Variants in KAT6A observed in about 807,000 individuals in gnomAD.
The protein encoded by KAT6A is histone acetyltransferase KAT6A.
Under a neutral mutation model 198.4 loss-of-function variants are expected in KAT6A, and 9 were observed. The observed-to-expected ratio is 0.05, with a 90% CI of 0.03 to 0.08. The LOEUF (loss-of-function observed/expected upper bound fraction) is 0.08, where lower values mean the gene tolerates loss of function less well. Ranked by LOEUF, KAT6A falls within the 10% of genes least tolerant of loss-of-function variation. The pLI, the probability that KAT6A is intolerant of heterozygous loss-of-function variation, is 1.00. For synonymous variants in KAT6A, 890 were observed against 883.0 expected (o/e 1.01, Z -0.14); for missense variants, 2,077 against 2,509.9 (o/e 0.83, Z 3.69).
chr8:42,014,457 G>T (rs1826169792), intron 2 of KAT6A, among the ~76,000 whole-genome samples: 1 of 152,188 alleles, frequency 6.6e-6, no homozygotes, highest in African/African-American at 2.4e-5. Context: ...CCAGTTAAAT[G>T]AACCACATTT....
intron 12 of KAT6A, 86 bp downstream of exon 12, chr8:41,946,489 TATATACACACACACAC>T (rs1046375881): frequency 6.6e-5 from 30 of 453,852 alleles, no homozygotes; most frequent in African/African-American, 5.1e-4. Context: ...TAAATATATA[TATATACACACACACAC>T]ACACACACAC....
At position 41,934,262 on chromosome 8, in the gene KAT6A, C is replaced by T; in HGVS notation, c.3958G>A (p.Asp1320Asn). 6.2e-7 allele frequency: 1 copy of T among 1,614,152 alleles called. No homozygotes were observed. Among genetic ancestry groups the T allele is most frequent in the Non-Finnish European group, 8.5e-7 (1 of 1,180,028 alleles). The change falls in exon 17 of 17, where the codon GAT (aspartate) becomes AAT (asparagine). Residue 1320 changes from aspartate to asparagine, a missense_variant. Physicochemically the swap from Asp to Asn is conservative, Grantham distance 23 (BLOSUM62 1). Coordinates refer to ENST00000265713, the MANE Select transcript of KAT6A (RefSeq NM_006766.5). ...TTTGTGGACTCCAGGTGGCCATCAT[C>T]CTCATCATCAGCGTCGTGGTCGTCA... ...QNDDHDADDE[D>N]DGHLESTKKK...
At chr8:42,029,818 T>C (rs1827016446) in intron 2 of KAT6A, among the ~76,000 whole-genome samples, 1 of 152,170 alleles carries the variant, frequency 6.6e-6, no homozygotes, top group Non-Finnish European at 1.5e-5. Context: ...TTCTGTTTCT[T>C]GTTTATGTTA....
At chr8:42,027,468 T>C (rs543529499) in intron 2 of KAT6A, among the ~76,000 whole-genome samples, 18 of 152,314 alleles carry the variant, frequency 1.2e-4, no homozygotes, top group East Asian at 3.9e-4. Flanking sequence ...TCTGATTCAA[T>C]TGTGTTACTC....
In KAT6A at chr8:41,995,971, C is replaced by T. The variant is rs576655845; in HGVS notation, c.601-8408G>A. Reference sequence around the variant, plus strand: ...GATTACAGGAGTGAGCCACCACGCCCGGTCCCAATTTTCATTTCTTTCCCC... The same window carrying T: ...GATTACAGGAGTGAGCCACCACGCCTGGTCCCAATTTTCATTTCTTTCCCC... On this transcript the variant is annotated intron_variant, in intron 2 of 16. Transcript: ENST00000265713. Among the ~76,000 whole-genome samples the T allele has an allele frequency of 2.1e-3, 314 of 152,172 alleles. 2 individuals are homozygous for T. The highest frequency in any genetic ancestry group is 7.1e-3 in the African/African-American group (295 of 41,520).
At position 41,946,652 on chromosome 8, in the gene KAT6A, G is replaced by A; in HGVS notation, c.1935C>T (p.Ser645=). ...EKHCQQKYNV[S]CIMILPQYQR... ...GGTATTGAGGAAGAATCATTATACA[G>A]GAAACATTGTACTTCTGTTGGCAGT... Residue 645 remains serine, a synonymous_variant, in exon 12 of 17, where the codon TCC becomes TCT. Transcript: ENST00000265713. 6.2e-7 allele frequency: 1 copy of A among 1,608,286 alleles called. No individual in the cohort carries two copies. The highest frequency in any genetic ancestry group is 1.1e-5 in the South Asian group (1 of 90,954).
At chr8:42,026,269 C>T (rs561474623) in intron 2 of KAT6A, among the ~76,000 whole-genome samples, 94 of 152,166 alleles carry the variant, frequency 6.2e-4, no homozygotes, top group Non-Finnish European at 1.1e-3. Flanking sequence ...TTTGTGGTTC[C>T]GTAAAAATTT....
intron 2 of KAT6A, among the ~76,000 whole-genome samples, chr8:41,992,575 C>A (rs1237960769): frequency 6.6e-6 from 1 of 152,062 alleles, no homozygotes; most frequent in Non-Finnish European, 1.5e-5. Context: ...TCATTCTCCT[C>A]GAGGGATATG....
In KAT6A at chr8:41,977,373, T is replaced by C. The variant is rs1229531747; in HGVS notation, c.1044-46A>G. ...AAGGGTAAGTATTAAAAAAGATACT[T>C]GTAAGGTTCCTTTTTAATACATAAC... is the stretch of plus-strand genomic sequence containing the variant. On this transcript the variant is annotated intron_variant, in intron 6 of 16. Transcript: ENST00000265713. The C allele has an allele frequency of 5.7e-6, 8 of 1,409,294 alleles. No homozygotes were observed. In the East Asian group the frequency reaches 1.8e-4, roughly 32 times the overall value. The allele number at this position is 1,409,294 out of a possible 1,614,324, so 87.3% of individuals were successfully genotyped here.
At chr8:41,978,420 A>T (rs878874038) in intron 6 of KAT6A, among the ~76,000 whole-genome samples, 1 of 152,234 alleles carries the variant, frequency 6.6e-6, no homozygotes, top group Admixed American at 6.5e-5. Flanking sequence ...CAGCAGCTAT[A>T]TTTCACTGGG....
intron 2 of KAT6A, among the ~76,000 whole-genome samples, chr8:42,034,243 G>T (rs536280855): frequency 6.6e-6 from 1 of 152,338 alleles, no homozygotes; most frequent in African/African-American, 2.4e-5. Context: ...GAATCGCCTG[G>T]AGGACTTACT....
At chr8:42,005,943 A>T (rs1272716238) in intron 2 of KAT6A, among the ~76,000 whole-genome samples, 1 of 152,196 alleles carries the variant, frequency 6.6e-6, no homozygotes, top group Non-Finnish European at 1.5e-5. Context: ...TTGGGGGAAG[A>T]AGGTGGGGAT....
chr8:42,048,017 G>C (rs1045162949), intron 2 of KAT6A, among the ~76,000 whole-genome samples: 5 of 151,534 alleles, frequency 3.3e-5, no homozygotes, highest in African/African-American at 1.2e-4. Context: ...CAGTAGTAAG[G>C]TGTTCTAAGA....
At chr8:42,016,952 C>T (rs563926382) in intron 2 of KAT6A, among the ~76,000 whole-genome samples, 80 of 152,136 alleles carry the variant, frequency 5.3e-4, no homozygotes, top group African/African-American at 1.8e-3. Flanking sequence ...AAATTTTTAT[C>T]AATATCTCTT....
intron 2 of KAT6A, among the ~76,000 whole-genome samples, chr8:41,994,505 G>A (rs998098311): frequency 2.0e-5 from 3 of 151,588 alleles, no homozygotes; most frequent in Non-Finnish European, 2.9e-5. Context: ...TAGAATGTTC[G>A]TCCCAAGATC....
intron 13 of KAT6A, 138 bp from the exon 14 acceptor site, chr8:41,943,138 G>T: frequency 8.9e-7 from 1 of 1,117,970 alleles, no homozygotes. Context: ...ATGGAATGCA[G>T]AAATGTGCCA....
At chr8:42,037,691 CTT>C (rs35961436) in intron 2 of KAT6A, among the ~76,000 whole-genome samples, 38 of 140,804 alleles carry the variant, frequency 2.7e-4, no homozygotes, top group Non-Finnish European at 3.2e-4. Context: ...ACATTGAAAG[CTT>C]TTTTTTTTTT....
rs751054601 is a variant in KAT6A at position 41,941,117 on chromosome 8, C to T, written c.2764G>A (p.Ala922Thr). The change falls in exon 15 of 17, where the codon GCT becomes ACT. Residue 922 changes from alanine to threonine, a missense_variant. Coordinates refer to ENST00000265713, the MANE Select transcript of KAT6A (RefSeq NM_006766.5). ...TCCTGGCTTGGCTGCTCCTCAGAAG[C>T]CACCAGCTGTTCTTCACTTTCAGTG... is the stretch of plus-strand genomic sequence containing the variant. The part of the protein sequence containing the change: ...QYTESEEQLV[A>T]SEEQPSQDGK... The T allele has an allele frequency of 1.9e-5, 31 of 1,614,094 alleles. No individual in the cohort carries two copies. The highest frequency in any genetic ancestry group is 1.6e-4 in the Middle Eastern group (1 of 6,084).
chr8:42,023,678 G>A (rs1393445039), intron 2 of KAT6A, among the ~76,000 whole-genome samples: 1 of 151,574 alleles, frequency 6.6e-6, no homozygotes, highest in African/African-American at 2.4e-5. Flanking sequence ...GTAAAGACGG[G>A]GTTTTGTCAT....
Sources: gnomAD v4.1 joint callset for allele counts (sites outside exome capture counted in the v4.1 genomes callset) on GRCh38, gnomAD v4.1.1 for gene constraint, MANE v1.5 for transcripts, NCBI Gene and HGNC (gene_info 2026-07-23, HGNC 2026-07-21) for gene names.